The following SRPK2 variants were observed in gnomAD, a reference collection of about 807,000 sequenced individuals.
SRPK2 encodes the protein SFRS protein kinase 2.
Under a neutral mutation model 90.8 loss-of-function variants are expected in SRPK2, and 21 were observed. The ratio of observed to expected loss-of-function variants is 0.23; its 90% confidence interval spans 0.16 to 0.33. The LOEUF is 0.33. Ranked by LOEUF, SRPK2 falls within the 10% of genes least tolerant of loss-of-function variation. The pLI is 1.00. For synonymous variants in SRPK2, 288 were observed against 311.1 expected (o/e 0.93, Z 0.78); for missense variants, 620 against 869.0 (o/e 0.71, Z 3.60).
At chr7:105,365,187 TC>T (rs1340657529) in intron 2 of SRPK2, among the ~76,000 whole-genome samples, 1 of 152,050 alleles carries the variant, frequency 6.6e-6, no homozygotes, top group Non-Finnish European at 1.5e-5. Flanking sequence ...ATGGGGCACT[TC>T]CATCTGGCAT....
chr7:105,143,089 T>C lies in SRPK2; in HGVS notation c.1055A>G (p.Asp352Gly), dbSNP rs1316870640. The change falls in exon 10 of 16, where the codon GAC (aspartate) becomes GGC (glycine). Residue 352 changes from aspartate to glycine, a missense_variant. By Grantham distance (94) the Asp-to-Gly change is moderately conservative. Coordinates refer to ENST00000393651, the MANE Select transcript of SRPK2 (RefSeq NM_182692.3). ...AGGTTCCAGGCCCCACTGACCATTG[T>C]CCTTTGCAGTCTCTGCCTCAGCCGC... Reference protein sequence around the residue: ...EEAAEAETAKDNGEAEDQEEK... With the variant: ...EEAAEAETAKGNGEAEDQEEK... 1 of 1,613,940 alleles carries C rather than the reference T, an allele frequency of 6.2e-7. No homozygotes were observed. The highest frequency in any genetic ancestry group is 1.1e-5 in the South Asian group (1 of 91,076).
intron 2 of SRPK2, among the ~76,000 whole-genome samples, chr7:105,350,791 A>C (rs1025622374): frequency 6.6e-6 from 1 of 152,046 alleles, no homozygotes; most frequent in Admixed American, 6.6e-5. Context: ...TAGTTGCTAT[A>C]ATTAATCCCA....
At chr7:105,201,336 C>T (rs1349274058) in intron 3 of SRPK2, among the ~76,000 whole-genome samples, 1 of 152,152 alleles carries the variant, frequency 6.6e-6, no homozygotes, top group Non-Finnish European at 1.5e-5. Flanking sequence ...CTTACTATCT[C>T]TAATGACCTT....
At chr7:105,375,313 G>C (rs140323343) in intron 2 of SRPK2, among the ~76,000 whole-genome samples, 1,570 of 152,188 alleles carry the variant, frequency 0.01, 7 homozygotes, top group Non-Finnish European at 0.017. Context: ...ATGCAAGAAT[G>C]GCCCCCAAAA....
At chr7:105,153,367 G>A (rs1191266931) in intron 7 of SRPK2, among the ~76,000 whole-genome samples, 5 of 152,058 alleles carry the variant, frequency 3.3e-5, no homozygotes, top group Admixed American at 3.3e-4. Context: ...CAAAATAAGG[G>A]GCTTGGTTAA....
rs560037501 is a variant in SRPK2 at position 105,344,599 on chromosome 7, T to C, written c.71+44049A>G. ...AATTTTTTCAATCATTTAAAAAACA[T>C]AAAAGCTATCTTACAAGCCATACAA... On this transcript the variant is annotated intron_variant, in intron 2 of 15. Coordinates refer to ENST00000393651, the MANE Select transcript of SRPK2 (RefSeq NM_182692.3). Among the ~76,000 whole-genome samples, 47 of 152,010 alleles carry C rather than the reference T, an allele frequency of 3.1e-4. No homozygotes were observed. The Middle Eastern group carries it at 0.01, about 33-fold the overall frequency.
chr7:105,170,783 G>A (rs1261828750), intron 3 of SRPK2, among the ~76,000 whole-genome samples: 1 of 80,014 alleles, frequency 1.2e-5, no homozygotes, highest in Non-Finnish European at 2.5e-5. Flanking sequence ...AAGGAAGGAC[G>A]GGAGGGAGGG....
chr7:105,387,849 A>G (rs1821802252), intron 2 of SRPK2, among the ~76,000 whole-genome samples: 1 of 152,188 alleles, frequency 6.6e-6, no homozygotes, highest in Admixed American at 6.5e-5. Flanking sequence ...GCAGCTCTCC[A>G]GGAAAGGGTT....
chr7:105,191,480 C>T (rs1794272244), intron 3 of SRPK2, among the ~76,000 whole-genome samples: 1 of 152,132 alleles, frequency 6.6e-6, no homozygotes, highest in South Asian at 2.1e-4. Flanking sequence ...ATAGCTTGAG[C>T]CTGGGAGGTT....
At chr7:105,207,391 A>G (rs1796345155) in intron 2 of SRPK2, among the ~76,000 whole-genome samples, 1 of 152,230 alleles carries the variant, frequency 6.6e-6, no homozygotes, top group Non-Finnish European at 1.5e-5. Flanking sequence ...CCAAGACATG[A>G]CAGGTTATCT....
intron 2 of SRPK2, among the ~76,000 whole-genome samples, chr7:105,340,024 C>G (rs1238067374): frequency 6.7e-6 from 1 of 149,186 alleles, no homozygotes; most frequent in African/African-American, 2.5e-5. Context: ...TGCCACTGCA[C>G]TCCAGCCTAG....
intron 2 of SRPK2, among the ~76,000 whole-genome samples, chr7:105,375,310 A>T (rs1820158473): frequency 2.0e-5 from 3 of 152,176 alleles, no homozygotes; most frequent in Admixed American, 1.3e-4. Flanking sequence ...AATATGCAAG[A>T]ATGGCCCCCA....
intron 2 of SRPK2, among the ~76,000 whole-genome samples, chr7:105,386,092 A>T (rs1008591439): frequency 2.0e-5 from 3 of 152,024 alleles, no homozygotes; most frequent in Non-Finnish European, 4.4e-5. Flanking sequence ...AGGCGGGCGA[A>T]TCACGAGGTC....
chr7:105,304,933 G>T (rs1455263826), intron 2 of SRPK2, among the ~76,000 whole-genome samples: 1 of 152,080 alleles, frequency 6.6e-6, no homozygotes, highest in Non-Finnish European at 1.5e-5. Context: ...AAGTCAAAAA[G>T]CATACAGCTT....
intron 15 of SRPK2, among the ~76,000 whole-genome samples, chr7:105,123,112 A>G (rs1035959757): frequency 6.6e-6 from 1 of 152,048 alleles, no homozygotes; most frequent in Non-Finnish European, 1.5e-5. Flanking sequence ...GCTGATTTCT[A>G]TTGGACCACC....
chr7:105,358,314 A>G (rs1056813123), intron 2 of SRPK2, among the ~76,000 whole-genome samples: 1 of 152,024 alleles, frequency 6.6e-6, no homozygotes, highest in Non-Finnish European at 1.5e-5. Context: ...AGTAGATAAC[A>G]CACATTTTGT....
chr7:105,393,045 G>A (rs1822223199), upstream of SRPK2, among the ~76,000 whole-genome samples: 1 of 151,764 alleles, frequency 6.6e-6, no homozygotes, highest in Non-Finnish European at 1.5e-5. Context: ...CCAGGCTGGA[G>A]TGCAGTGGCG....
At chr7:105,371,458 A>C (rs571798379) in intron 2 of SRPK2, among the ~76,000 whole-genome samples, 1 of 151,174 alleles carries the variant, frequency 6.6e-6, no homozygotes, top group African/African-American at 2.4e-5. Flanking sequence ...TGAATTCAAG[A>C]AATACTGTAT....
chr7:105,384,596 C>T (rs1180570361), intron 2 of SRPK2, among the ~76,000 whole-genome samples: 1 of 152,158 alleles, frequency 6.6e-6, no homozygotes, highest in Admixed American at 6.5e-5. Flanking sequence ...TAAAATTATA[C>T]CTATTACTCC....
Sources: allele counts gnomAD v4.1 joint callset (sites outside exome capture counted in the v4.1 genomes callset), GRCh38; gene constraint gnomAD v4.1.1; transcripts MANE v1.5; gene names NCBI Gene and HGNC (gene_info 2026-07-23, HGNC 2026-07-21).